The following LHFPL3 variants were observed in gnomAD, a reference collection of about 807,000 sequenced individuals.
The protein encoded by LHFPL3 is LHFPL tetraspan subfamily member 3 protein.
LHFPL3 carries 5 observed loss-of-function variants against 19.3 expected under a neutral mutation model. The ratio of observed to expected loss-of-function variants is 0.26; its 90% confidence interval spans 0.14 to 0.54. The LOEUF (loss-of-function observed/expected upper bound fraction) is 0.54, where lower values mean the gene tolerates loss of function less well. Among genes scored for constraint, LHFPL3 ranks in the 20% least tolerant of loss-of-function variants. The probability of loss-of-function intolerance (pLI) is 0.94; values close to 1 mark genes in which losing one functional copy is unlikely to be tolerated. For synonymous variants in LHFPL3, 133 were observed against 126.2 expected, an observed-to-expected ratio of 1.05 and a Z score of -0.36; for missense variants, 249 against 307.4, an observed-to-expected ratio of 0.81 and a Z score of 1.42.
At chr7:104,867,680 A>G (rs1394672779) in intron 2 of LHFPL3, among the ~76,000 whole-genome samples, 1 of 152,236 alleles carries the variant, frequency 6.6e-6, no homozygotes, top group Admixed American at 6.5e-5. Flanking sequence ...TCCTTCTGAA[A>G]CTATTCCAAT....
intron 1 of LHFPL3, among the ~76,000 whole-genome samples, chr7:104,582,682 T>C (rs535139688): frequency 1.4e-4 from 22 of 152,174 alleles, no homozygotes; most frequent in Non-Finnish European, 2.5e-4. Flanking sequence ...ATGCTTTTTC[T>C]GCATCCATTG....
At chr7:104,403,208 A>G (rs1791350129) in intron 1 of LHFPL3, among the ~76,000 whole-genome samples, 1 of 152,226 alleles carries the variant, frequency 6.6e-6, no homozygotes, top group South Asian at 2.1e-4. Flanking sequence ...AAATTTTAAA[A>G]AAGAAAACTC....
intron 1 of LHFPL3, among the ~76,000 whole-genome samples, chr7:104,716,731 T>TA (rs540849615): frequency 2.3e-3 from 352 of 152,284 alleles, no homozygotes; most frequent in African/African-American, 7.8e-3. Context: ...TTTAATACTG[T>TA]AAAAATGTCC....
chr7:104,826,229 G>A (rs1157371202), intron 2 of LHFPL3: 1 of 152,574 alleles, frequency 6.6e-6, no homozygotes, highest in Non-Finnish European at 1.5e-5. Flanking sequence ...CTCTCACCAT[G>A]GCTTAGGTCC....
chr7:104,565,056 A>G (rs900650297), intron 1 of LHFPL3, among the ~76,000 whole-genome samples: 3 of 152,254 alleles, frequency 2.0e-5, no homozygotes, highest in Admixed American at 2.0e-4. Flanking sequence ...TGTGGCCTGC[A>G]TTGATCTGGA....
At chr7:104,706,595 A>G (rs1793194519) in intron 1 of LHFPL3, among the ~76,000 whole-genome samples, 1 of 152,230 alleles carries the variant, frequency 6.6e-6, no homozygotes, top group Non-Finnish European at 1.5e-5. Context: ...CTGTTGGAAG[A>G]TACATGCCCA....
At chr7:104,844,743 C>A (rs1489467818) in intron 2 of LHFPL3, among the ~76,000 whole-genome samples, 1 of 152,096 alleles carries the variant, frequency 6.6e-6, no homozygotes, top group Non-Finnish European at 1.5e-5. Context: ...CTAAGTATTT[C>A]TTTTCTTTCT....
intron 1 of LHFPL3, among the ~76,000 whole-genome samples, chr7:104,698,504 C>T (rs752406329): frequency 7.2e-5 from 11 of 152,254 alleles, no homozygotes; most frequent in South Asian, 2.1e-4. Context: ...GTGCATCAAA[C>T]GGCACTGTCA....
chr7:104,447,332 G>A (rs558007407), intron 1 of LHFPL3, among the ~76,000 whole-genome samples: 31 of 151,868 alleles, frequency 2.0e-4, no homozygotes, highest in South Asian at 4.2e-4. Context: ...CTCTCCCAGC[G>A]GCCTTTGGGA....
intron 1 of LHFPL3, among the ~76,000 whole-genome samples, chr7:104,631,317 A>C (rs185244607): frequency 6.6e-6 from 1 of 152,058 alleles, no homozygotes; most frequent in East Asian, 1.9e-4. Context: ...AACCATATTC[A>C]CTATGCTTTT....
At chr7:104,358,377 G>T (rs546012697) in intron 1 of LHFPL3, among the ~76,000 whole-genome samples, 1 of 152,116 alleles carries the variant, frequency 6.6e-6, no homozygotes, top group South Asian at 2.1e-4. Context: ...CAGTGGGCTC[G>T]AAATTGAAAC....
chr7:104,576,871 G>T (rs1790348386), intron 1 of LHFPL3, among the ~76,000 whole-genome samples: 1 of 152,070 alleles, frequency 6.6e-6, no homozygotes, highest in Admixed American at 6.6e-5. Flanking sequence ...TTGCTTCCTG[G>T]GGGTCTTTAT....
At chr7:104,601,712 C>T (rs1790971026) in intron 1 of LHFPL3, among the ~76,000 whole-genome samples, 2 of 152,168 alleles carry the variant, frequency 1.3e-5, no homozygotes, top group Non-Finnish European at 2.9e-5. Context: ...CAACCACAAA[C>T]TCAGCCTGCT....
At chr7:104,369,663 C>A (rs1790573406) in intron 1 of LHFPL3, among the ~76,000 whole-genome samples, 1 of 152,162 alleles carries the variant, frequency 6.6e-6, no homozygotes, top group Non-Finnish European at 1.5e-5. Context: ...TCACAGAGTT[C>A]GTTTCTTCAT....
intron 1 of LHFPL3, among the ~76,000 whole-genome samples, chr7:104,599,169 A>T (rs1483771170): frequency 7.9e-5 from 12 of 152,182 alleles, no homozygotes; most frequent in Admixed American, 7.9e-4. Flanking sequence ...CATCTGAATG[A>T]TCACAAGTTT....
intron 2 of LHFPL3, chr7:104,786,689 G>GGGGTGTGTGTGTGT (rs1554344743): frequency 3.1e-5 from 4 of 129,876 alleles, no homozygotes; most frequent in African/African-American, 8.1e-5. Context: ...GTGTGTGTGG[G>GGGGTGTGTGTGTGT]GTGTGTGTGT....
intron 2 of LHFPL3, among the ~76,000 whole-genome samples, chr7:104,811,150 TTTTC>T (rs543375649): frequency 0.063 from 8,287 of 132,234 alleles, 428 homozygotes; most frequent in East Asian, 0.17. Flanking sequence ...CTTTCTTTCT[TTTTC>T]TTTCTTTCTT....
intron 1 of LHFPL3, among the ~76,000 whole-genome samples, chr7:104,493,397 T>C (rs1304742741): frequency 6.6e-6 from 1 of 151,848 alleles, no homozygotes; most frequent in Non-Finnish European, 1.5e-5. Context: ...GTATCAGAGT[T>C]TCATTGTCTT....
chr7:104,811,166 CTTTCTTTTCTTTTCT>C (rs1554346770), intron 2 of LHFPL3, among the ~76,000 whole-genome samples: 6 of 18,026 alleles, frequency 3.3e-4, no homozygotes, highest in African/African-American at 3.8e-4. Flanking sequence ...TTCTTTCTTT[CTTTCTTTTCTTTTCT>C]TTTCTTTTCT....
Sources: allele counts gnomAD v4.1 joint callset (sites outside exome capture counted in the v4.1 genomes callset), GRCh38; gene constraint gnomAD v4.1.1; transcripts MANE v1.5; gene names NCBI Gene and HGNC (gene_info 2026-07-23, HGNC 2026-07-21).